LEMD1: variants seen among roughly 807,000 people sequenced by gnomAD.
The protein encoded by LEMD1 is LEM domain containing 1.
In LEMD1, 18 loss-of-function variants were observed where a neutral mutation model predicts 17.4. The ratio of observed to expected loss-of-function variants is 1.04; its 90% CI spans 0.72 to 1.54. The LOEUF is 1.54. LEMD1 is among the 40% of genes most tolerant of loss of function. The probability of loss-of-function intolerance (pLI) is 0.00; values close to 1 mark genes in which losing one functional copy is unlikely to be tolerated. For synonymous variants in LEMD1, 88 were observed against 77.8 expected, an observed-to-expected ratio of 1.13 and a Z score of -0.69; for missense variants, 195 against 210.4, an observed-to-expected ratio of 0.93 and a Z score of 0.45.
intron 5 of LEMD1, 195 bp from the exon 6 acceptor site, chr1:205,382,051 G>C: frequency 1.7e-6 from 1 of 591,572 alleles, no homozygotes; most frequent in South Asian, 2.0e-5. Flanking sequence ...GTCCAGGCTG[G>C]AGTGCAGTGG....
chr1:205,412,546 C>G (rs556261970), intron 4 of LEMD1, among the ~76,000 whole-genome samples: 1 of 152,258 alleles, frequency 6.6e-6, no homozygotes, highest in African/African-American at 2.4e-5. Flanking sequence ...CCTATCTAGG[C>G]ACTCAGAAGA....
intron 1 of LEMD1, among the ~76,000 whole-genome samples, chr1:205,434,322 C>T (rs920766699): frequency 3.0e-5 from 4 of 132,248 alleles, no homozygotes; most frequent in African/African-American, 1.1e-4. Flanking sequence ...CAGGTGAATG[C>T]TACCATGCCT....
upstream of LEMD1, among the ~76,000 whole-genome samples, chr1:205,426,349 GA>G (rs1170106713): frequency 1.3e-5 from 2 of 152,202 alleles, no homozygotes; most frequent in Non-Finnish European, 2.9e-5. Flanking sequence ...TCTTCAAACG[GA>G]TTACATTCTA....
chr1:205,404,775 T>G (rs1665011443), intron 4 of LEMD1, among the ~76,000 whole-genome samples: 1 of 152,130 alleles, frequency 6.6e-6, no homozygotes, highest in Non-Finnish European at 1.5e-5. Context: ...GCTCGTTAGT[T>G]GATGCAGTTT....
At chr1:205,406,416 G>T (rs1240521787) in intron 4 of LEMD1, among the ~76,000 whole-genome samples, 2 of 150,776 alleles carry the variant, frequency 1.3e-5, no homozygotes, top group East Asian at 3.9e-4. Flanking sequence ...AATGGCGGGC[G>T]CCCCTCCCCC....
chr1:205,389,948 C>A (rs2102351103), intron 4 of LEMD1, among the ~76,000 whole-genome samples: 1 of 152,304 alleles, frequency 6.6e-6, no homozygotes, highest in South Asian at 2.1e-4. Context: ...GTTGTGTTCT[C>A]TTAACCCAAG....
chr1:205,407,426 C>G (rs1665170637), intron 4 of LEMD1, among the ~76,000 whole-genome samples: 1 of 151,832 alleles, frequency 6.6e-6, no homozygotes, highest in Non-Finnish European at 1.5e-5. Context: ...TCACTGATAG[C>G]CAATGATTCA....
intron 4 of LEMD1, among the ~76,000 whole-genome samples, chr1:205,412,632 C>T (rs552131283): frequency 1.3e-5 from 2 of 152,200 alleles, no homozygotes; most frequent in South Asian, 4.1e-4. Flanking sequence ...AATACACCTT[C>T]TACCACCTTT....
rs568842297 is a variant in LEMD1, at chr1:205,405,027, G to A, written c.270+11205C>T. 8.5e-5 allele frequency among the ~76,000 whole-genome samples: 13 copies of A among 152,158 alleles called. No homozygotes were observed. In the South Asian group the frequency reaches 2.7e-3, roughly 32 times the overall value. On this transcript the variant is annotated intron_variant, in intron 4 of 5. Transcript: ENST00000367153. Reference sequence around the variant, plus strand: ...TTTTCTTTAAGAATGTTGAATATTGGCCCCCACTCTCTTCTGGCTTGTAAG... The same window carrying A: ...TTTTCTTTAAGAATGTTGAATATTGACCCCCACTCTCTTCTGGCTTGTAAG...
chr1:205,396,824 G>T (rs1664613059), intron 4 of LEMD1, among the ~76,000 whole-genome samples: 2 of 152,216 alleles, frequency 1.3e-5, no homozygotes, highest in Admixed American at 1.3e-4. Context: ...GGAAAAGGAA[G>T]ATGTCCCAAG....
At chr1:205,402,455 C>G (rs964057566) in intron 4 of LEMD1, among the ~76,000 whole-genome samples, 8 of 152,142 alleles carry the variant, frequency 5.3e-5, no homozygotes, top group Non-Finnish European at 1.2e-4. Flanking sequence ...ATTTTATTCT[C>G]TTTGAAGCAA....
At chr1:205,420,311 C>T (rs778860237) in intron 2 of LEMD1, 144 bp downstream of exon 2, 69 of 636,450 alleles carry the variant, frequency 1.1e-4, no homozygotes, top group Middle Eastern at 4.1e-4. Flanking sequence ...GTATATTTAC[C>T]GCCTCTTCCC....
In LEMD1 at chr1:205,448,177, G is replaced by A; in HGVS notation, c.-39+1691C>T. On this transcript the variant is annotated intron_variant, in intron 1 of 3. Transcript: ENST00000367154. The surrounding 1 kb of genome is among the most constrained non-coding windows in gnomAD (Gnocchi z 4.7). ...GAAGTGACTGGGCCAAGGTCACACGGCTTAGCCCCGATCCCAGGTTACCAG... is the reference window on the plus strand; with the variant it reads ...GAAGTGACTGGGCCAAGGTCACACGACTTAGCCCCGATCCCAGGTTACCAG... The A allele has an allele frequency of 2.3e-6, 1 of 427,924 alleles. No homozygotes were observed. Among genetic ancestry groups the A allele is most frequent in the East Asian group, 5.9e-5 (1 of 17,010 alleles). The allele number at this position is 427,924 out of a possible 1,614,324, so 26.5% of individuals were successfully genotyped here.
chr1:205,419,265 T>A lies in LEMD1; in HGVS notation c.170A>T (p.Glu57Val). 1 of 1,614,210 alleles carries A rather than the reference T, an allele frequency of 6.2e-7. No individual in the cohort carries two copies. ...CAPPVMNGPR[E>V]LDGAQDSDDS... ...ATCACTGTCCTGCGCTCCATCCAGC[T>A]CTCTGGGTCCATTCATCACAGGTGG... Residue 57 changes from glutamate to valine, a missense_variant, in exon 3 of 6, where the codon GAG becomes GTG. Glu to Val is a moderately radical substitution (Grantham distance 121). Coordinates refer to ENST00000367153, the MANE Select transcript of LEMD1 (RefSeq NM_001199050.2).
intron 1 of LEMD1, among the ~76,000 whole-genome samples, chr1:205,442,079 A>G (rs1325089955): frequency 6.6e-6 from 1 of 152,098 alleles, no homozygotes; most frequent in African/African-American, 2.4e-5. Flanking sequence ...GGGCCTATGG[A>G]AAGGGAGCAG....
intron 1 of LEMD1, among the ~76,000 whole-genome samples, chr1:205,428,397 A>G (rs1293554959): frequency 6.6e-6 from 1 of 152,150 alleles, no homozygotes; most frequent in Non-Finnish European, 1.5e-5. Flanking sequence ...GCAGCAAACC[A>G]TTCCTTCATT....
chr1:205,394,210 G>C (rs1234382307), intron 4 of LEMD1, among the ~76,000 whole-genome samples: 1 of 140,414 alleles, frequency 7.1e-6, no homozygotes, highest in Non-Finnish European at 1.6e-5. Context: ...GGGGTGGGGT[G>C]GGGTGGGGGG....
At chr1:205,402,749 T>G (rs1664910110) in intron 4 of LEMD1, among the ~76,000 whole-genome samples, 1 of 150,028 alleles carries the variant, frequency 6.7e-6, no homozygotes, top group African/African-American at 2.5e-5. Flanking sequence ...TGAATAGGAG[T>G]GGTGAGAGAG....
At chr1:205,412,735 A>G (rs755133615) in intron 4 of LEMD1, among the ~76,000 whole-genome samples, 1 of 152,236 alleles carries the variant, frequency 6.6e-6, no homozygotes, top group Non-Finnish European at 1.5e-5. Context: ...AATGGCTTAT[A>G]TAAATCCTTC....
Sources: gnomAD v4.1 joint callset for allele counts (sites outside exome capture counted in the v4.1 genomes callset) on GRCh38, gnomAD v4.1.1 for gene constraint, Gnocchi (gnomAD v3.1) non-coding constraint, MANE v1.5 for transcripts, NCBI Gene and HGNC (gene_info 2026-07-23, HGNC 2026-07-21) for gene names.